Variants in CCBE1 observed in about 807,000 individuals in gnomAD.
CCBE1 encodes the protein collagen and calcium binding EGF domains 1.
Under a neutral mutation model 50.0 loss-of-function variants are expected in CCBE1, and 37 were observed. The observed-to-expected ratio is 0.74, with a 90% CI of 0.57 to 0.97. The LOEUF is 0.97. Ranked by LOEUF, CCBE1 falls within the 50% of genes least tolerant of loss-of-function variation. The pLI is 0.00. For missense variants in CCBE1, 538 were observed against 523.8 expected (o/e 1.03, Z -0.26); for synonymous variants, 234 against 203.7 (o/e 1.15, Z -1.27).
intron 10 of CCBE1, among the ~76,000 whole-genome samples, chr18:59,437,706 T>C (rs1320819068): frequency 6.6e-6 from 1 of 152,192 alleles, no homozygotes; most frequent in Non-Finnish European, 1.5e-5. Context: ...TAAGAGGAGA[T>C]GGCCATCTGG....
chr18:59,503,473 T>C (rs1434166568), intron 2 of CCBE1, among the ~76,000 whole-genome samples: 1 of 152,192 alleles, frequency 6.6e-6, no homozygotes, highest in African/African-American at 2.4e-5. Flanking sequence ...TCTGCCTTAC[T>C]CCAAGCCTGG....
At chr18:59,517,890 CCAAGATCAAAAGAGGGAT>C (rs1353161354) in intron 2 of CCBE1, among the ~76,000 whole-genome samples, 1 of 152,096 alleles carries the variant, frequency 6.6e-6, no homozygotes, top group Admixed American at 6.5e-5. Flanking sequence ...CTGGGGATTC[CCAAGATCAAAAGAGGGAT>C]CTGTCACAAG....
chr18:59,665,806 G>A (rs542966742), intron 2 of CCBE1, among the ~76,000 whole-genome samples: 3 of 152,302 alleles, frequency 2.0e-5, no homozygotes, highest in South Asian at 2.1e-4. Context: ...GGTCTAGTGC[G>A]TCTGTGTTTG....
intron 2 of CCBE1, among the ~76,000 whole-genome samples, chr18:59,521,172 T>C (rs1299238622): frequency 6.6e-6 from 1 of 152,232 alleles, no homozygotes; most frequent in East Asian, 1.9e-4. Flanking sequence ...AGATGGCTAT[T>C]TTAAGCAAAC....
chr18:59,510,578 C>T (rs1187596571), intron 2 of CCBE1, among the ~76,000 whole-genome samples: 8 of 152,086 alleles, frequency 5.3e-5, no homozygotes, highest in African/African-American at 1.9e-4. Context: ...CCCGCCACCA[C>T]ACCCAGCTAA....
intron 2 of CCBE1, among the ~76,000 whole-genome samples, chr18:59,649,995 G>A (rs1028848918): frequency 3.9e-5 from 6 of 152,082 alleles, no homozygotes; most frequent in African/African-American, 9.7e-5. Flanking sequence ...TTGTTTTAGT[G>A]GCACTTGGGG....
chr18:59,513,179 G>A lies in CCBE1; in HGVS notation c.213-32941C>T, dbSNP rs566590649. On this transcript the variant is annotated intron_variant, in intron 2 of 10. Transcript: ENST00000439986. ...AAAAATTAGCTGGGTGTGGTGGCAGGCACCTGTAGTCCCAGCTACTCGGGA... is the reference window on the plus strand; with the variant it reads ...AAAAATTAGCTGGGTGTGGTGGCAGACACCTGTAGTCCCAGCTACTCGGGA... Among the ~76,000 whole-genome samples the A allele has an allele frequency of 2.0e-5, 3 of 152,176 alleles. No homozygotes were observed. In the East Asian group the frequency reaches 5.8e-4, roughly 29 times the overall value.
chr18:59,684,047 A>G (rs1404239289), intron 2 of CCBE1, among the ~76,000 whole-genome samples: 1 of 152,116 alleles, frequency 6.6e-6, no homozygotes, highest in Non-Finnish European at 1.5e-5. Flanking sequence ...GCTGATTATA[A>G]TTTACCTATA....
intron 2 of CCBE1, among the ~76,000 whole-genome samples, chr18:59,553,110 C>T (rs1003376505): frequency 6.6e-6 from 1 of 152,148 alleles, no homozygotes; most frequent in African/African-American, 2.4e-5. Context: ...AGAAGGTTGC[C>T]CATCCTAATC....
intron 2 of CCBE1, among the ~76,000 whole-genome samples, chr18:59,489,651 G>T (rs989662509): frequency 1.5e-4 from 23 of 152,106 alleles, no homozygotes; most frequent in African/African-American, 5.6e-4. Flanking sequence ...GACATCAAGT[G>T]ATCTGTATGC....
chr18:59,608,178 G>GT (rs1181897566), intron 2 of CCBE1, among the ~76,000 whole-genome samples: 1 of 152,140 alleles, frequency 6.6e-6, no homozygotes, highest in Non-Finnish European at 1.5e-5. Context: ...AGGTAATGGG[G>GT]TTATTTTGAA....
At chr18:59,657,552 A>G (rs370048969) in intron 2 of CCBE1, among the ~76,000 whole-genome samples, 7 of 152,182 alleles carry the variant, frequency 4.6e-5, no homozygotes, top group African/African-American at 1.7e-4. Context: ...CATTGATGAC[A>G]CCACTCTTTA....
intron 2 of CCBE1, among the ~76,000 whole-genome samples, chr18:59,598,240 A>G (rs888497313): frequency 2.0e-5 from 3 of 152,172 alleles, no homozygotes; most frequent in Non-Finnish European, 2.9e-5. Context: ...AGTAGTGGGG[A>G]CTAGGTTAAG....
chr18:59,668,252 T>C (rs1273661345), intron 2 of CCBE1, among the ~76,000 whole-genome samples: 1 of 151,986 alleles, frequency 6.6e-6, no homozygotes, highest in Admixed American at 6.6e-5. Context: ...ACCCAGTCTC[T>C]ACTAAAAATA....
intron 2 of CCBE1, among the ~76,000 whole-genome samples, chr18:59,503,512 CT>C (rs1159944897): frequency 6.6e-6 from 1 of 152,166 alleles, no homozygotes; most frequent in South Asian, 2.1e-4. Context: ...TGTACAACCT[CT>C]TTAGTCCCAG....
At chr18:59,499,367 T>C (rs1463327137) in intron 2 of CCBE1, among the ~76,000 whole-genome samples, 1 of 152,130 alleles carries the variant, frequency 6.6e-6, no homozygotes, top group African/African-American at 2.4e-5. Flanking sequence ...TGAAGTCCAA[T>C]AAATGACACC....
At chr18:59,666,296 A>T (rs1336769783) in intron 2 of CCBE1, 1 of 152,198 alleles carries the variant, frequency 6.6e-6, no homozygotes, top group Non-Finnish European at 1.5e-5. Context: ...CTCTCATGGC[A>T]CATGGGAATT....
At chr18:59,553,600 G>A (rs953612523) in intron 2 of CCBE1, among the ~76,000 whole-genome samples, 1 of 152,226 alleles carries the variant, frequency 6.6e-6, no homozygotes, top group African/African-American at 2.4e-5. Flanking sequence ...TGTGTTGAAG[G>A]AAAGAGGATG....
At chr18:59,461,978 A>C (rs896263986) in intron 5 of CCBE1, among the ~76,000 whole-genome samples, 2 of 151,906 alleles carry the variant, frequency 1.3e-5, no homozygotes, top group Non-Finnish European at 2.9e-5. Context: ...AGGCGTTCCT[A>C]CCGCCTCAGC....
Sources: gnomAD v4.1 joint callset for allele counts (sites outside exome capture counted in the v4.1 genomes callset) on GRCh38, gnomAD v4.1.1 for gene constraint, MANE v1.5 for transcripts, NCBI Gene and HGNC (gene_info 2026-07-23, HGNC 2026-07-21) for gene names.